The following MMP16 variants were observed in gnomAD, a reference collection of about 807,000 sequenced individuals.
MMP16 encodes the protein matrix metalloproteinase-16.
A neutral mutation model predicts 67.8 loss-of-function variants in MMP16; 12 were observed. The observed-to-expected ratio is 0.18, with a 90% CI of 0.11 to 0.29. The LOEUF (loss-of-function observed/expected upper bound fraction) is 0.29. MMP16 is among the 10% of genes least tolerant of loss of function. The pLI, the probability that MMP16 is intolerant of heterozygous loss-of-function variation, is 1.00. For missense variants in MMP16, 475 were observed against 765.7 expected, an observed-to-expected ratio of 0.62 and a Z score of 4.48; for synonymous variants, 249 against 255.9, an observed-to-expected ratio of 0.97 and a Z score of 0.26.
At chr8:88,082,174 C>A (rs541416548) in intron 6 of MMP16, among the ~76,000 whole-genome samples, 2 of 152,172 alleles carry the variant, frequency 1.3e-5, no homozygotes, top group South Asian at 4.1e-4. Flanking sequence ...CAGACACACA[C>A]ACACACAGTT....
At chr8:88,098,586 C>T (rs1809074600) in intron 6 of MMP16, among the ~76,000 whole-genome samples, 1 of 151,834 alleles carries the variant, frequency 6.6e-6, no homozygotes, top group South Asian at 2.1e-4. Context: ...ATAACAAATA[C>T]TTATTTCAAG....
intron 1 of MMP16, among the ~76,000 whole-genome samples, chr8:88,276,074 T>C (rs1372256948): frequency 6.6e-6 from 1 of 152,020 alleles, no homozygotes; most frequent in Non-Finnish European, 1.5e-5. Flanking sequence ...CTAGTATAAC[T>C]CAAGTCTCTT....
chr8:88,081,048 C>T (rs1378887034), intron 6 of MMP16, among the ~76,000 whole-genome samples: 3 of 152,046 alleles, frequency 2.0e-5, no homozygotes, highest in East Asian at 2.0e-4. Context: ...ACCTTGGTAG[C>T]GAGGCTCATC....
rs1166566212 is a variant in MMP16 at position 88,166,688 on chromosome 8, CATATATATATATATAT to C, written c.709+965_709+980del. Among the ~76,000 whole-genome samples the C allele has an allele frequency of 1.7e-3, 102 of 58,388 alleles. 3 individuals are homozygous for C. The highest frequency in any genetic ancestry group is 0.012 in the South Asian group (16 of 1,374). 38.3% of individuals were successfully genotyped at this position (58,388 alleles called of 152,430 possible). Reference sequence around the variant, plus strand: ...ACAAAAGAGAAGGAGCAAAAAATTACATATATATATATATATATATATATATATATATATATATATA... The same window carrying C: ...ACAAAAGAGAAGGAGCAAAAAATTACATATATATATATATATATATATATA... On this transcript the variant is annotated intron_variant, in intron 4 of 9. Coordinates refer to ENST00000286614, the MANE Select transcript of MMP16 (RefSeq NM_005941.5).
chr8:88,215,315 C>CT (rs1373433448), intron 1 of MMP16, among the ~76,000 whole-genome samples: 3 of 150,342 alleles, frequency 2.0e-5, no homozygotes, highest in Non-Finnish European at 4.4e-5. Flanking sequence ...GAGTGAGACT[C>CT]TGTCTAAAAA....
chr8:88,289,157 A>AAG (rs893575082), intron 1 of MMP16, among the ~76,000 whole-genome samples: 13 of 152,004 alleles, frequency 8.6e-5, no homozygotes, highest in African/African-American at 3.1e-4. Context: ...GAGACAGAAG[A>AAG]AGAGAGAGAG....
At chr8:88,059,230 G>C (rs1233936769) in intron 7 of MMP16, among the ~76,000 whole-genome samples, 1 of 152,068 alleles carries the variant, frequency 6.6e-6, no homozygotes, top group Non-Finnish European at 1.5e-5. Flanking sequence ...AGAAGATAAA[G>C]AGTAACCAGA....
chr8:88,163,866 T>TA (rs1316582495), intron 4 of MMP16, among the ~76,000 whole-genome samples: 3 of 152,134 alleles, frequency 2.0e-5, no homozygotes, highest in Admixed American at 1.3e-4. Context: ...TTAATGATGT[T>TA]AACTGTTTTG....
intron 1 of MMP16, among the ~76,000 whole-genome samples, chr8:88,294,827 T>C (rs4961083): frequency 1 from 152,303 of 152,318 alleles, 76,144 homozygotes; most frequent in Non-Finnish European, 1. Flanking sequence ...AGTCTCCTGC[T>C]TCAGCCTCCT....
At chr8:88,107,675 A>G (rs998380363) in intron 6 of MMP16, among the ~76,000 whole-genome samples, 1 of 151,148 alleles carries the variant, frequency 6.6e-6, no homozygotes, top group East Asian at 1.9e-4. Context: ...ACTTTTATTC[A>G]TGGAAGTTCT....
At chr8:88,120,464 A>G (rs1409350367) in intron 4 of MMP16, among the ~76,000 whole-genome samples, 1 of 151,980 alleles carries the variant, frequency 6.6e-6, no homozygotes, top group African/African-American at 2.4e-5. Flanking sequence ...TACCCTAAAT[A>G]ACATGTTAAG....
At chr8:88,302,760 A>G (rs1563589525) in intron 1 of MMP16, among the ~76,000 whole-genome samples, 1 of 152,206 alleles carries the variant, frequency 6.6e-6, no homozygotes, top group Non-Finnish European at 1.5e-5. Context: ...AGTCTGTAAC[A>G]CTCACAGAGA....
chr8:88,278,762 C>G (rs1810687581), intron 1 of MMP16, among the ~76,000 whole-genome samples: 1 of 152,062 alleles, frequency 6.6e-6, no homozygotes, highest in South Asian at 2.1e-4. Flanking sequence ...CTTTCACATT[C>G]TAGGAGGCAA....
At chr8:88,045,865 A>G (rs1045956352) in intron 9 of MMP16, among the ~76,000 whole-genome samples, 1 of 151,988 alleles carries the variant, frequency 6.6e-6, no homozygotes, top group Non-Finnish European at 1.5e-5. Flanking sequence ...ATAATATACT[A>G]TTTTCTTATG....
intron 1 of MMP16, among the ~76,000 whole-genome samples, chr8:88,304,470 A>C (rs1811182445): frequency 6.6e-6 from 1 of 152,148 alleles, no homozygotes; most frequent in Non-Finnish European, 1.5e-5. Flanking sequence ...CTCTAAAACA[A>C]GATCAACCCC....
At chr8:88,223,209 A>G (rs184367072) in intron 1 of MMP16, among the ~76,000 whole-genome samples, 121 of 152,288 alleles carry the variant, frequency 7.9e-4, no homozygotes, top group East Asian at 7.0e-3. Context: ...GCAGGAGAGG[A>G]TGTGGAGAAA....
chr8:88,283,773 T>C (rs941858745), intron 1 of MMP16, among the ~76,000 whole-genome samples: 1 of 152,200 alleles, frequency 6.6e-6, no homozygotes, highest in Non-Finnish European at 1.5e-5. Context: ...CGAGAACATA[T>C]AAAAATTTAC....
At chr8:88,252,865 T>C (rs1386740918) in intron 1 of MMP16, among the ~76,000 whole-genome samples, 2 of 152,054 alleles carry the variant, frequency 1.3e-5, no homozygotes, top group African/African-American at 4.8e-5. Context: ...AAAAGAATAA[T>C]GCAAATTAGA....
chr8:88,148,221 A>G (rs1266601866), intron 4 of MMP16, among the ~76,000 whole-genome samples: 2 of 151,864 alleles, frequency 1.3e-5, no homozygotes, highest in Non-Finnish European at 2.9e-5. Flanking sequence ...CTGTGATTCC[A>G]TTTTTTCCTT....
Sources: allele counts gnomAD v4.1 joint callset (sites outside exome capture counted in the v4.1 genomes callset), GRCh38; gene constraint gnomAD v4.1.1; transcripts MANE v1.5; gene names NCBI Gene and HGNC (gene_info 2026-07-23, HGNC 2026-07-21).